Variants in BAIAP2 observed in about 807,000 individuals in gnomAD.
BAIAP2 encodes the protein BAR/IMD domain-containing adapter protein 2.
In BAIAP2, 18 loss-of-function variants were observed where a neutral mutation model predicts 63.0. The observed-to-expected ratio is 0.29, with a 90% CI of 0.20 to 0.42. BAIAP2 has a LOEUF of 0.42. Ranked by LOEUF, BAIAP2 falls within the 10% of genes least tolerant of loss-of-function variation. The probability of loss-of-function intolerance (pLI) is 1.00; values close to 1 mark genes in which losing one functional copy is unlikely to be tolerated. For synonymous variants in BAIAP2, 386 were observed against 307.6 expected (o/e 1.25, Z -2.67); for missense variants, 610 against 734.3 (o/e 0.83, Z 1.96).
intron 13 of BAIAP2, 151 bp from the exon 14 acceptor site, chr17:81,115,619 A>C: frequency 2.2e-6 from 2 of 923,578 alleles, no homozygotes; most frequent in Non-Finnish European, 3.3e-6. Flanking sequence ...CTGCCCCGCA[A>C]AGCAGCGTAT....
chr17:81,106,809 C>G lies in BAIAP2; in HGVS notation c.1402C>G (p.Pro468Ala). ...GGACAAGGACGACCTGGCCATCCCACCCCCCGATTACGGCGCCGCCTCCCG... is the reference window on the plus strand; with the variant it reads ...GGACAAGGACGACCTGGCCATCCCAGCCCCCGATTACGGCGCCGCCTCCCG... ...LLDKDDLAIPPPDYGAASRAF... is the reference protein window; with the variant it reads ...LLDKDDLAIPAPDYGAASRAF... Residue 468 changes from proline to alanine, a missense_variant, in exon 12 of 14, where the codon CCC becomes GCC. By Grantham distance (27) the Pro-to-Ala change is conservative (BLOSUM62 -1). This residue lies in a region of BAIAP2 where 114 missense variants were observed against 98.2 expected (regional missense o/e 1.16). Transcript: ENST00000428708. The G allele has an allele frequency of 6.2e-7, 1 of 1,612,332 alleles. No individual in the cohort carries two copies. Among genetic ancestry groups the G allele is most frequent in the Non-Finnish European group, 8.5e-7 (1 of 1,179,676 alleles).
intron 6 of BAIAP2, among the ~76,000 whole-genome samples, chr17:81,098,589 C>T (rs945071660): frequency 7.2e-5 from 11 of 152,194 alleles, no homozygotes; most frequent in Admixed American, 6.5e-4. Flanking sequence ...CTCTTAGTAC[C>T]CTCCGTCCTG....
intron 6 of BAIAP2, among the ~76,000 whole-genome samples, chr17:81,092,404 G>C (rs1273250002): frequency 6.6e-6 from 1 of 152,230 alleles, no homozygotes; most frequent in Non-Finnish European, 1.5e-5. Flanking sequence ...CCAGGCCCTG[G>C]GGGCAGAGGT....
chr17:81,039,104 C>A lies in BAIAP2; in HGVS notation c.54+3796C>A, dbSNP rs868020135. On this transcript the variant is annotated intron_variant, in intron 1 of 13. Coordinates refer to ENST00000428708, the MANE Select transcript of BAIAP2 (RefSeq NM_001144888.2). ...GTCTGCTGTCACTGAGTAGACCTGGCCTGCATTTTCTCTACATGTGCATGT... is the reference window on the plus strand; with the variant it reads ...GTCTGCTGTCACTGAGTAGACCTGGACTGCATTTTCTCTACATGTGCATGT... 1.2e-4 allele frequency among the ~76,000 whole-genome samples: 18 copies of A among 152,366 alleles called. No homozygotes were observed. The Middle Eastern group carries it at 0.017, about 144-fold the overall frequency.
At chr17:81,093,119 C>T (rs997009835) in intron 6 of BAIAP2, among the ~76,000 whole-genome samples, 4 of 124,166 alleles carry the variant, frequency 3.2e-5, no homozygotes, top group Non-Finnish European at 5.5e-5. Context: ...CTGGGCTGGG[C>T]TGGGCTGGGC....
Position 81,057,969 on chromosome 17 carries a change from T to TGCGGGGGGGGGGGGGGGGGGGGGGGGG in BAIAP2, c.217+3_217+4insCGGGGGGGGGGGGGGGGGGGGGGGGGG. ...AGAGCCAGGGCTCCAAAGAACTCGG[T>TGCGGGGGGGGGGGGGGGGGGGGGGGGG]GAGACCCCCCCCCCCCCCCCGCCTG... is the stretch of plus-strand genomic sequence containing the variant. On this transcript the variant is annotated splice_region_variant and intron_variant, in intron 3 of 13. Coordinates refer to ENST00000428708, the MANE Select transcript of BAIAP2 (RefSeq NM_001144888.2). 1.0e-6 allele frequency: 1 copy of TGCGGGGGGGGGGGGGGGGGGGGGGGGG among 964,864 alleles called. No homozygotes were observed. Among genetic ancestry groups the TGCGGGGGGGGGGGGGGGGGGGGGGGGG allele is most frequent in the Non-Finnish European group, 1.4e-6 (1 of 713,584 alleles). 59.8% of individuals were successfully genotyped at this position (964,864 alleles called of 1,614,324 possible).
intron 8 of BAIAP2, 62 bp downstream of exon 8, chr17:81,103,785 G>GC (rs762599873): frequency 5.6e-4 from 879 of 1,577,022 alleles, no homozygotes; most frequent in Non-Finnish European, 6.9e-4. Flanking sequence ...TGTTGTCAGG[G>GC]CGGGGGGCCG....
At chr17:81,091,724 A>G (rs933883065) in intron 6 of BAIAP2, among the ~76,000 whole-genome samples, 1 of 152,216 alleles carries the variant, frequency 6.6e-6, no homozygotes, top group Non-Finnish European at 1.5e-5. Context: ...AAGTGACCCC[A>G]CGCAAGGGTG....
At position 81,109,571 on chromosome 17, in the gene BAIAP2, C is replaced by T. The variant is rs962953379; in HGVS notation, c.1535+1062C>T. 8 of 985,202 alleles carry T rather than the reference C, an allele frequency of 8.1e-6. No individual in the cohort carries two copies. In the South Asian group the frequency reaches 2.3e-4, roughly 29 times the overall value. The allele number at this position is 985,202 out of a possible 1,614,324, so 61.0% of individuals were successfully genotyped here. A position where few individuals can be genotyped will look rare whatever the true frequency, so the allele number is the denominator to read the frequency against. On this transcript the variant is annotated intron_variant, in intron 13 of 13. Transcript: ENST00000428708. ...GCCCCGGCCCCTGTGGAGGGGTGCA[C>T]AGAGAAAGGGGGCTCGTGCCAAGCT...
At chr17:81,107,003 G>C in intron 12 of BAIAP2, 96 bp downstream of exon 12, 1 of 1,383,136 alleles carries the variant, frequency 7.2e-7, no homozygotes, top group Non-Finnish European at 9.5e-7. Flanking sequence ...GGGGCGGGGC[G>C]CCTGGGGGTC....
At chr17:81,099,819 C>G in intron 6 of BAIAP2, 109 bp from the exon 7 acceptor site, 1 of 1,293,202 alleles carries the variant, frequency 7.7e-7, no homozygotes, top group Non-Finnish European at 1.1e-6. Flanking sequence ...TCCAGCTGCT[C>G]TGCATGAATG....
Position 81,046,593 on chromosome 17 carries a change from G to C in BAIAP2, c.55-7075G>C, listed in dbSNP as rs1022774638. ...CCCTGGAGGACGCTGCCACCTTCCC[G>C]ATGCTCTCTGCCCACAGAAGTCCCC... On this transcript the variant is annotated intron_variant, in intron 1 of 13. Transcript: ENST00000428708. This position sits in a 1 kb window ranked among gnomAD's most constrained non-coding sequence, Gnocchi z 4.5. Among the ~76,000 whole-genome samples, 4 of 151,924 alleles carry C rather than the reference G, an allele frequency of 2.6e-5. No homozygotes were observed. Among genetic ancestry groups the C allele is most frequent in the Non-Finnish European group, 4.4e-5 (3 of 67,970 alleles).
At chr17:81,050,226 A>T (rs761401969) in intron 1 of BAIAP2, among the ~76,000 whole-genome samples, 3 of 152,180 alleles carry the variant, frequency 2.0e-5, no homozygotes, top group Non-Finnish European at 2.9e-5. Flanking sequence ...CCCCCTTACA[A>T]TGTTGGCTCA....
At chr17:81,041,012 G>A (rs550856986) in intron 1 of BAIAP2, among the ~76,000 whole-genome samples, 1 of 152,336 alleles carries the variant, frequency 6.6e-6, no homozygotes, top group South Asian at 2.1e-4. Flanking sequence ...TGCCTCTGGC[G>A]GGGGCCCGTT....
chr17:81,048,546 CCA>C (rs1193760014), intron 1 of BAIAP2, among the ~76,000 whole-genome samples: 1 of 152,076 alleles, frequency 6.6e-6, no homozygotes, highest in African/African-American at 2.4e-5. Flanking sequence ...TGCCTTGTGC[CCA>C]CACTGGCCAG....
chr17:81,074,550 T>C (rs1041021218), intron 3 of BAIAP2, among the ~76,000 whole-genome samples: 4 of 149,672 alleles, frequency 2.7e-5, no homozygotes, highest in Non-Finnish European at 4.4e-5. Flanking sequence ...TGCACAGATG[T>C]GTGAGTGCCT....
intron 3 of BAIAP2, among the ~76,000 whole-genome samples, chr17:81,060,717 AAGTC>A (rs1481194781): frequency 6.6e-6 from 1 of 152,206 alleles, no homozygotes; most frequent in Non-Finnish European, 1.5e-5. Flanking sequence ...GTTTCAAACA[AAGTC>A]AGCCACTTCC....
intron 1 of BAIAP2, among the ~76,000 whole-genome samples, chr17:81,040,432 G>A (rs534679124): frequency 6.6e-6 from 1 of 152,346 alleles, no homozygotes; most frequent in South Asian, 2.1e-4. Context: ...CCTGGCCCCT[G>A]GCTGTGCCTG....
chr17:81,071,335 CT>C (rs1043716168), intron 3 of BAIAP2, among the ~76,000 whole-genome samples: 4 of 152,166 alleles, frequency 2.6e-5, no homozygotes, highest in Admixed American at 2.6e-4. Context: ...TGTCAGCCCC[CT>C]GGCCATCTGT....
Sources: allele counts gnomAD v4.1 joint callset (sites outside exome capture counted in the v4.1 genomes callset), GRCh38; gene constraint gnomAD v4.1.1; regional missense constraint gnomAD v4.1.1; non-coding constraint Gnocchi (gnomAD v3.1); transcripts MANE v1.5; gene names NCBI Gene and HGNC (gene_info 2026-07-23, HGNC 2026-07-21).